Variants in TTC28 observed in about 807,000 individuals in gnomAD.
TTC28 encodes the protein tetratricopeptide repeat domain 28.
Under a neutral mutation model 198.0 loss-of-function variants are expected in TTC28, and 61 were observed. That is an observed-to-expected ratio of 0.31 (90% CI 0.25 to 0.38). The LOEUF is 0.38. TTC28 is among the 10% of genes least tolerant of loss of function. The probability of loss-of-function intolerance (pLI) is 1.00; values close to 1 mark genes in which losing one functional copy is unlikely to be tolerated. For synonymous variants in TTC28, 1,171 were observed against 1,297.8 expected, an observed-to-expected ratio of 0.90 and a Z score of 2.10; for missense variants, 2,678 against 3,164.0, an observed-to-expected ratio of 0.85 and a Z score of 3.69.
chr22:28,514,756 C>G (rs1049012425), intron 2 of TTC28, among the ~76,000 whole-genome samples: 1 of 152,194 alleles, frequency 6.6e-6, no homozygotes, highest in Non-Finnish European at 1.5e-5. Context: ...ACATCACTTA[C>G]CACTACATTT....
rs894475323 is a variant in TTC28, at chr22:28,373,977, T to C, written c.382-67334A>G. On this transcript the variant is annotated intron_variant, in intron 2 of 22. Transcript: ENST00000397906. ...TTTGCTTTAAATTCCACATAAGCTA[T>C]TTTGAGCTTACTGCTTTGATCAGAT... Among the ~76,000 whole-genome samples, 21 of 152,192 alleles carry C rather than the reference T, an allele frequency of 1.4e-4. 1 individual carries two copies. Among genetic ancestry groups the C allele is most frequent in the Non-Finnish European group, 2.9e-5 (2 of 68,026 alleles).
chr22:28,277,257 T>C (rs1468953990), intron 5 of TTC28, among the ~76,000 whole-genome samples: 2 of 152,228 alleles, frequency 1.3e-5, no homozygotes, highest in Admixed American at 6.5e-5. Context: ...TGCAATGTGA[T>C]TTCCTCGTAG....
intron 5 of TTC28, among the ~76,000 whole-genome samples, chr22:28,275,498 T>C (rs953777277): frequency 6.6e-6 from 1 of 152,214 alleles, no homozygotes; most frequent in Admixed American, 6.5e-5. Context: ...CAGTATTGTA[T>C]ATTTTTTCCA....
chr22:28,210,881 C>A (rs1057189652), intron 5 of TTC28, among the ~76,000 whole-genome samples: 9 of 152,094 alleles, frequency 5.9e-5, no homozygotes, highest in Admixed American at 5.9e-4. Context: ...TAAGGGCAGC[C>A]AGAGAGAAAG....
At chr22:28,551,643 T>C (rs5762683) in intron 2 of TTC28, among the ~76,000 whole-genome samples, 61,889 of 152,084 alleles carry the variant, frequency 0.41, 14,455 homozygotes, top group East Asian at 0.63. Flanking sequence ...ATCATCTCAA[T>C]AGATGCAGAA....
chr22:28,510,209 C>T (rs1288513477), intron 2 of TTC28, among the ~76,000 whole-genome samples: 2 of 152,104 alleles, frequency 1.3e-5, no homozygotes, highest in Non-Finnish European at 2.9e-5. Context: ...ATAACAAAAC[C>T]TGGCAGAGAT....
rs2051259866 is a variant in TTC28 at position 28,635,767 on chromosome 22, AATTAACAT to A, written c.103-5945_103-5938del. Among the ~76,000 whole-genome samples, 3 of 152,198 alleles carry A rather than the reference AATTAACAT, an allele frequency of 2.0e-5. No individual in the cohort carries two copies. In the South Asian group the frequency reaches 6.2e-4, roughly 32 times the overall value. ...GTGAAATGACTACCACAATCAAGCT[AATTAACAT>A]ATCCATCACCTCACAGAGCTATCTT... On this transcript the variant is annotated intron_variant, in intron 1 of 22. Transcript: ENST00000397906.
intron 13 of TTC28, among the ~76,000 whole-genome samples, chr22:28,021,145 TAAG>T (rs2146603359): frequency 6.6e-6 from 1 of 152,252 alleles, no homozygotes; most frequent in South Asian, 2.1e-4. Context: ...CAGCCAAGGC[TAAG>T]AAAAGGGCTC....
chr22:28,188,959 C>T (rs972130438), intron 5 of TTC28, among the ~76,000 whole-genome samples: 3 of 152,050 alleles, frequency 2.0e-5, no homozygotes, highest in African/African-American at 7.2e-5. Context: ...TTGAGGAAAA[C>T]TCTAATTTGA....
Position 28,120,958 on chromosome 22 carries a change from T to G in TTC28, c.1442-12555A>C, listed in dbSNP as rs564926414. 2.6e-5 allele frequency among the ~76,000 whole-genome samples: 4 copies of G among 152,364 alleles called. No homozygotes were observed. The South Asian group carries it at 8.3e-4, about 32-fold the overall frequency. ...AAGTGATTCACATATTCTGCTCATT[T>G]TTCTGTTAGTATATGGGCTTTTGGT... On this transcript the variant is annotated intron_variant, in intron 6 of 22. Transcript: ENST00000397906.
intron 2 of TTC28, among the ~76,000 whole-genome samples, chr22:28,460,552 A>ATATGTATG (rs746237977): frequency 1.3e-5 from 2 of 151,828 alleles, no homozygotes; most frequent in African/African-American, 4.8e-5. Flanking sequence ...GTATATATAT[A>ATATGTATG]TATGTATGTA....
chr22:28,190,228 T>C (rs1377208829), intron 5 of TTC28, among the ~76,000 whole-genome samples: 1 of 152,242 alleles, frequency 6.6e-6, no homozygotes, highest in African/African-American at 2.4e-5. Flanking sequence ...TACTTTGTGT[T>C]AAGCACTGGC....
intron 2 of TTC28, among the ~76,000 whole-genome samples, chr22:28,594,860 G>A (rs1384068718): frequency 2.6e-5 from 4 of 152,194 alleles, no homozygotes; most frequent in African/African-American, 9.7e-5. Flanking sequence ...ATCACTAACA[G>A]ACTTGCAGTG....
intron 2 of TTC28, among the ~76,000 whole-genome samples, chr22:28,500,373 G>A (rs1190612124): frequency 6.6e-6 from 1 of 152,120 alleles, no homozygotes; most frequent in Non-Finnish European, 1.5e-5. Flanking sequence ...ATACATTAAT[G>A]TATTAAGATC....
chr22:28,234,685 T>C (rs898236732), intron 5 of TTC28, among the ~76,000 whole-genome samples: 3 of 152,204 alleles, frequency 2.0e-5, no homozygotes, highest in African/African-American at 7.2e-5. Flanking sequence ...CATCTTCTAA[T>C]TTAAACACTA....
chr22:28,116,207 C>T (rs1942625394), intron 6 of TTC28, among the ~76,000 whole-genome samples: 1 of 152,250 alleles, frequency 6.6e-6, no homozygotes, highest in African/African-American at 2.4e-5. Flanking sequence ...CTGGAACCCA[C>T]AAATATTCAC....
intron 2 of TTC28, among the ~76,000 whole-genome samples, chr22:28,452,742 C>T (rs2047803377): frequency 6.6e-6 from 1 of 152,098 alleles, no homozygotes; most frequent in Admixed American, 6.6e-5. Flanking sequence ...AATTGCCATA[C>T]TCTGTTTTGG....
chr22:28,508,801 C>T (rs1041647177), intron 2 of TTC28, among the ~76,000 whole-genome samples: 5 of 152,064 alleles, frequency 3.3e-5, no homozygotes, highest in African/African-American at 1.2e-4. Flanking sequence ...TTTAACACCC[C>T]ACTGACAATA....
chr22:28,185,765 T>C (rs1197598378), intron 5 of TTC28, among the ~76,000 whole-genome samples: 1 of 152,180 alleles, frequency 6.6e-6, no homozygotes, highest in Admixed American at 6.6e-5. Context: ...TTTTACATTA[T>C]CTCAAATACC....
Sources: gnomAD v4.1 joint callset for allele counts (sites outside exome capture counted in the v4.1 genomes callset) on GRCh38, gnomAD v4.1.1 for gene constraint, MANE v1.5 for transcripts, NCBI Gene and HGNC (gene_info 2026-07-23, HGNC 2026-07-21) for gene names.